The following IGSF10 variants were observed in gnomAD, a reference collection of about 807,000 sequenced individuals.
The protein encoded by IGSF10 is immunoglobulin superfamily member 10, also known as calvaria mechanical force protein 608.
IGSF10 carries 126 observed loss-of-function variants against 128.2 expected under a neutral mutation model. The observed-to-expected ratio is 0.98, with a 90% CI of 0.85 to 1.14. The LOEUF (loss-of-function observed/expected upper bound fraction) is 1.14. Ranked by LOEUF, IGSF10 falls within the 50% of genes most tolerant of loss-of-function variation. The pLI is 0.00. For missense variants in IGSF10, 3,295 were observed against 3,149.8 expected (o/e 1.05, Z -1.10); for synonymous variants, 1,185 against 1,146.2 (o/e 1.03, Z -0.68).
At chr3:151,466,316 T>C in the IGSF10 span, among the ~76,000 whole-genome samples, 1 of 152,118 alleles carries the variant, frequency 6.6e-6, no homozygotes, top group Non-Finnish European at 1.5e-5. Flanking sequence ...GAGTTTTCTC[T>C]CAGATTCTGA....
the IGSF10 span, among the ~76,000 whole-genome samples, chr3:151,616,214 G>A: frequency 1.3e-4 from 20 of 152,050 alleles, no homozygotes; most frequent in South Asian, 3.7e-3. Flanking sequence ...TGATCCTCCC[G>A]CCTCAGCCTC....
At chr3:151,438,785 A>G (rs1300503578) in intron 7 of IGSF10, among the ~76,000 whole-genome samples, 188 bp from the exon 8 acceptor site, 2 of 151,162 alleles carry the variant, frequency 1.3e-5, no homozygotes, top group African/African-American at 4.9e-5. Flanking sequence ...GTGTATATAT[A>G]TACACATATT....
the IGSF10 span, among the ~76,000 whole-genome samples, chr3:151,570,314 T>A: frequency 2.6e-5 from 4 of 152,162 alleles, no homozygotes; most frequent in Non-Finnish European, 5.9e-5. Flanking sequence ...CGCCACACTG[T>A]CTTCCACAAT....
At chr3:151,584,767 A>T in the IGSF10 span, among the ~76,000 whole-genome samples, 54 of 152,268 alleles carry the variant, frequency 3.5e-4, no homozygotes, top group African/African-American at 1.3e-3. Context: ...TGTGTCAGTT[A>T]TTCATTGTTG....
the IGSF10 span, among the ~76,000 whole-genome samples, chr3:151,512,116 A>G: frequency 6.6e-6 from 1 of 152,198 alleles, no homozygotes; most frequent in African/African-American, 2.4e-5. Context: ...AAGTGGACCT[A>G]ATAGACATCT....
At position 151,443,535 on chromosome 3, in the gene IGSF10, T is replaced by G. The variant is rs756987164; in HGVS notation, c.5412A>C (p.Thr1804=). ...AAATACTGAGATTGTGGAGGACCAA[T>G]GTTCCGTCAACCGTCACCACAGCCT... ...SRQAVVTVDG[T]LVLHNLSIYD... The change falls in exon 7 of 8, where the codon ACA becomes ACC. Residue 1804 remains threonine, a synonymous_variant. Coordinates refer to ENST00000282466, the MANE Select transcript of IGSF10 (RefSeq NM_178822.5). 4 of 1,614,264 alleles carry G rather than the reference T, an allele frequency of 2.5e-6. No individual in the cohort carries two copies. In the South Asian group the frequency reaches 3.3e-5, roughly 13 times the overall value.
chr3:151,558,017 TA>T, the IGSF10 span, among the ~76,000 whole-genome samples: 2,961 of 31,974 alleles, frequency 0.093, 714 homozygotes, highest in African/African-American at 0.32. Context: ...TATATATATA[TA>T]ATATATATAT....
chr3:151,443,380 C>G lies in IGSF10; in HGVS notation c.5567G>C (p.Trp1856Ser). ...ACAGGGCAGTTTTAAACTTTCACCC[C>G]AAGTGCCTACAATGACTTGCCTCCT... is the stretch of plus-strand genomic sequence containing the variant. ...EQRRQVIVGT[W>S]GESLKLPCTA... Residue 1856 changes from tryptophan to serine, a missense_variant, in exon 7 of 8, where the codon TGG (tryptophan) becomes TCG (serine). Transcript: ENST00000282466. 1.1e-5 allele frequency: 17 copies of G among 1,614,226 alleles called. No individual in the cohort carries two copies. The highest frequency in any genetic ancestry group is 1.4e-5 in the Non-Finnish European group (17 of 1,180,056).
chr3:151,469,727 T>C, the IGSF10 span, among the ~76,000 whole-genome samples: 3 of 152,144 alleles, frequency 2.0e-5, no homozygotes, highest in Non-Finnish European at 4.4e-5. Flanking sequence ...ATTACCCCAA[T>C]ATCCACTAAA....
the IGSF10 span, among the ~76,000 whole-genome samples, chr3:151,547,849 T>C: frequency 6.6e-6 from 1 of 152,240 alleles, no homozygotes; most frequent in African/African-American, 2.4e-5. Context: ...GGTTTAAATG[T>C]ATTTTCCTTC....
At chr3:151,507,046 A>G in the IGSF10 span, among the ~76,000 whole-genome samples, 2 of 152,206 alleles carry the variant, frequency 1.3e-5, no homozygotes, top group Admixed American at 6.5e-5. Flanking sequence ...TTTGGTTTAG[A>G]GTCTCTAGAT....
At chr3:151,597,871 C>T in the IGSF10 span, among the ~76,000 whole-genome samples, 2 of 151,262 alleles carry the variant, frequency 1.3e-5, no homozygotes, top group Non-Finnish European at 2.9e-5. Flanking sequence ...GAGCCGAGGT[C>T]GCACCACTGC....
At chr3:151,574,656 G>A in the IGSF10 span, among the ~76,000 whole-genome samples, 648 of 152,188 alleles carry the variant, frequency 4.3e-3, 1 homozygote, top group African/African-American at 0.014. Flanking sequence ...CTTGTGATGG[G>A]TTCGAACATC....
At chr3:151,594,831 C>T in the IGSF10 span, among the ~76,000 whole-genome samples, 3 of 151,466 alleles carry the variant, frequency 2.0e-5, no homozygotes, top group Non-Finnish European at 4.4e-5. Context: ...TCCTAAATAC[C>T]CTGATTTGAT....
At chr3:151,587,192 T>A in the IGSF10 span, among the ~76,000 whole-genome samples, 2 of 152,186 alleles carry the variant, frequency 1.3e-5, no homozygotes, top group African/African-American at 4.8e-5. Flanking sequence ...TCTTAGAAGA[T>A]GAGTGAAGCA....
At chr3:151,472,742 T>C in the IGSF10 span, among the ~76,000 whole-genome samples, 6 of 152,210 alleles carry the variant, frequency 3.9e-5, no homozygotes, top group African/African-American at 1.4e-4. Context: ...TGCCAAAGTA[T>C]ACTTTTGCCA....
In IGSF10 at chr3:151,445,463, G is replaced by A. The variant is rs374026149; in HGVS notation, c.4518C>T (p.His1506=). ...GTTTAGCATTGTGCCTTGAGGATTC[G>A]TGCAGCTTGACCACTGTATTTGTCA... ...GLMTNTVVKL[H]ESSRHNAKPQ... is the part of the protein sequence containing the mutation. The change falls in exon 6 of 8, where the codon CAC becomes CAT. Residue 1506 remains histidine (H), a synonymous_variant. Transcript: ENST00000282466. 2.8e-5 allele frequency: 45 copies of A among 1,614,014 alleles called. No individual in the cohort carries two copies. Among genetic ancestry groups the A allele is most frequent in the Middle Eastern group, 1.6e-4 (1 of 6,084 alleles).
At chr3:151,507,096 C>T in the IGSF10 span, among the ~76,000 whole-genome samples, 49,484 of 152,086 alleles carry the variant, frequency 0.33, 8,797 homozygotes, top group Middle Eastern at 0.45. Context: ...AGTCTGGTGA[C>T]ATGTTCTTAG....
the IGSF10 span, among the ~76,000 whole-genome samples, chr3:151,480,634 G>A: frequency 1.3e-5 from 2 of 152,014 alleles, no homozygotes; most frequent in Non-Finnish European, 2.9e-5. Context: ...AGGCTCGGCT[G>A]CCACTGCACC....
Sources: gnomAD v4.1 joint callset for allele counts (sites outside exome capture counted in the v4.1 genomes callset) on GRCh38, gnomAD v4.1.1 for gene constraint, MANE v1.5 for transcripts, NCBI Gene and HGNC (gene_info 2026-07-23, HGNC 2026-07-21) for gene names.